The following MON1B variants were observed in gnomAD, a reference collection of about 807,000 sequenced individuals.
The protein encoded by MON1B is vacuolar fusion protein MON1 homolog B.
MON1B carries 26 observed loss-of-function variants against 45.1 expected under a neutral mutation model. That is an observed-to-expected ratio of 0.58 (90% CI 0.42 to 0.80). The LOEUF (loss-of-function observed/expected upper bound fraction) is 0.80. Ranked by LOEUF, MON1B falls within the 30% of genes least tolerant of loss-of-function variation. The probability of loss-of-function intolerance (pLI) is 0.00; values close to 1 mark genes in which losing one functional copy is unlikely to be tolerated. For synonymous variants in MON1B, 395 were observed against 320.2 expected, an observed-to-expected ratio of 1.23 and a Z score of -2.49; for missense variants, 737 against 754.5, an observed-to-expected ratio of 0.98 and a Z score of 0.27.
intron 5 of MON1B, among the ~76,000 whole-genome samples, chr16:77,196,043 C>T (rs1017761846): frequency 6.6e-6 from 1 of 152,170 alleles, no homozygotes; most frequent in African/African-American, 2.4e-5. Flanking sequence ...CTCATTGTGA[C>T]TCCATGAGTC....
At chr16:77,197,401 C>G (rs1023154073) in intron 5 of MON1B, among the ~76,000 whole-genome samples, 26 of 152,086 alleles carry the variant, frequency 1.7e-4, no homozygotes, top group African/African-American at 6.0e-4. Flanking sequence ...ACGTCAAAAA[C>G]AAAAAAACAA....
chr16:77,195,253 T>C (rs75532399), intron 4 of MON1B, 99 bp downstream of exon 4: 36,618 of 1,235,532 alleles, frequency 0.03, 657 homozygotes, highest in Middle Eastern at 0.038. Context: ...TAACCAGCCA[T>C]GCTTAAGAAA....
Position 77,201,782 on chromosome 16 carries a change from TG to T in MON1B, c.*3475del, listed in dbSNP as rs1239123706. The T allele has an allele frequency of 6.6e-6, 1 of 151,952 alleles. No individual in the cohort carries two copies. The highest frequency in any genetic ancestry group is 1.5e-5 in the Non-Finnish European group (1 of 67,954). The allele number at this position is 151,952 out of a possible 1,614,324, so 9.4% of individuals were successfully genotyped here. A position where few individuals can be genotyped will look rare whatever the true frequency, so the allele number is the denominator to read the frequency against. On this transcript the variant is annotated 3_prime_UTR_variant, in exon 6 of 6. Transcript: ENST00000248248. Reference sequence around the variant, plus strand: ...AGGCAGAAAAAAATTCTAATTTAAATGTATTAAATTATAAGTTCTAATTTAA... The same window carrying T: ...AGGCAGAAAAAAATTCTAATTTAAATTATTAAATTATAAGTTCTAATTTAA...
At position 77,198,354 on chromosome 16, in the gene MON1B, GT is replaced by G; in HGVS notation, c.*52del. 2.6e-6 allele frequency: 4 copies of G among 1,566,222 alleles called. No individual in the cohort carries two copies. Among genetic ancestry groups the G allele is most frequent in the Non-Finnish European group, 3.5e-6 (4 of 1,136,882 alleles). On this transcript the variant is annotated 3_prime_UTR_variant, in exon 6 of 6. Transcript: ENST00000248248. ...GGCAGTGCTGGGAGCAACCACCTTT[GT>G]TTTTTACCTTCTGTCTACCCTGGAA...
rs199929360 is a variant in MON1B, at chr16:77,195,080, G to C, written c.1221G>C (p.Ala407=). Residue 407 remains alanine, a synonymous_variant, in exon 4 of 6, where the codon GCG becomes GCC. Transcript: ENST00000248248. ...CCTACAGCGTGCAGGCTGTCGGGGC[G>C]CCGGGCCTCCGGCACTTCCTGTATA... ...APAYSVQAVG[A]PGLRHFLYKP... is the part of the protein sequence containing the mutation. 7.5e-6 allele frequency: 12 copies of C among 1,604,946 alleles called. No homozygotes were observed. The highest frequency in any genetic ancestry group is 1.0e-5 in the Non-Finnish European group (12 of 1,179,724).
rs372101794 is a variant in MON1B at position 77,193,681 on chromosome 16, G to A, written c.379G>A (p.Gly127Ser). The A allele has an allele frequency of 3.7e-6, 6 of 1,614,094 alleles. No individual in the cohort carries two copies. The highest frequency in any genetic ancestry group is 4.2e-6 in the Non-Finnish European group (5 of 1,179,980). The change falls in exon 3 of 6, where the codon GGT (glycine) becomes AGT (serine). Residue 127 changes from glycine to serine, a missense_variant. By Grantham distance (56) the Gly-to-Ser change is moderately conservative (BLOSUM62 0). Coordinates refer to ENST00000248248, the MANE Select transcript of MON1B (RefSeq NM_014940.4). This position sits in a 1 kb window ranked among gnomAD's most constrained non-coding sequence, Gnocchi z 5.0. ...EAGKPIYSRY[G>S]SVEALSATMG... ...TGGCAAGCCCATCTACTCGCGGTATGGTAGTGTGGAGGCGCTGTCGGCTAC... is the reference window on the plus strand; with the variant it reads ...TGGCAAGCCCATCTACTCGCGGTATAGTAGTGTGGAGGCGCTGTCGGCTAC...
In MON1B at chr16:77,202,293, C is replaced by T. The variant is rs1314298327; in HGVS notation, c.*3985C>T. On this transcript the variant is annotated 3_prime_UTR_variant, in exon 6 of 6. Transcript: ENST00000248248. The stretch of plus-strand genomic sequence containing the variant: ...CTGCAACTTATTGTTCAGAATCACT[C>T]ACAAATGGGAAATCTGATATAAGGA... The T allele has an allele frequency of 6.6e-6, 1 of 152,128 alleles. No individual in the cohort carries two copies. Among genetic ancestry groups the T allele is most frequent in the Non-Finnish European group, 1.5e-5 (1 of 68,028 alleles). 9.4% of individuals were successfully genotyped at this position (152,128 alleles called of 1,614,324 possible). A position where few individuals can be genotyped will look rare whatever the true frequency, so the allele number is the denominator to read the frequency against.
Position 77,198,173 on chromosome 16 carries a change from G to C in MON1B, c.1509G>C (p.Leu503Phe). 2 of 1,614,100 alleles carry C rather than the reference G, an allele frequency of 1.2e-6. No individual in the cohort carries two copies. The highest frequency in any genetic ancestry group is 1.7e-6 in the Non-Finnish European group (2 of 1,180,022). ...TGGTGACCAAGGCAGGTGCAATCTT[G>C]GTAGTGACCAAACTCCTGCGCTGGG... The part of the protein sequence containing the change: ...SPLVTKAGAI[L>F]VVTKLLRWVK... Residue 503 changes from leucine to phenylalanine, a missense_variant, in exon 6 of 6, where the codon TTG becomes TTC. Transcript: ENST00000248248.
At chr16:77,195,945 C>T (rs893431481) in intron 5 of MON1B, among the ~76,000 whole-genome samples, 10 of 152,212 alleles carry the variant, frequency 6.6e-5, no homozygotes, top group African/African-American at 2.4e-4. Context: ...CTTTGACTTT[C>T]CAGAGGCCCC....
Position 77,193,544 on chromosome 16 carries a change from C to T in MON1B, c.242C>T (p.Pro81Leu), listed in dbSNP as rs376216086. ...TCTCGGCTCTGGAGTCCTGCAGCCCCTGAGAATAGTCCCACATGTAGCCCT... is the reference window on the plus strand; with the variant it reads ...TCTCGGCTCTGGAGTCCTGCAGCCCTTGAGAATAGTCCCACATGTAGCCCT... ...STSRLWSPAA[P>L]ENSPTCSPES... The change falls in exon 3 of 6, where the codon CCT becomes CTT. Residue 81 changes from proline to leucine, a missense_variant. Transcript: ENST00000248248. This position sits in a 1 kb window ranked among gnomAD's most constrained non-coding sequence, Gnocchi z 5.0. 14 of 1,613,800 alleles carry T rather than the reference C, an allele frequency of 8.7e-6. No individual in the cohort carries two copies. Among genetic ancestry groups the T allele is most frequent in the Non-Finnish European group, 1.2e-5 (14 of 1,179,868 alleles).
rs2054703549 is a variant in MON1B, at chr16:77,199,386, C to G, written c.*1078C>G. ...CGCATGCGTGCTGAAAAGCCTTTCA[C>G]CCTCACGTGGTTTCTTTTTTAACCA... On this transcript the variant is annotated 3_prime_UTR_variant, in exon 6 of 6. Coordinates refer to ENST00000248248, the MANE Select transcript of MON1B (RefSeq NM_014940.4). The G allele has an allele frequency of 3.4e-6, 5 of 1,491,686 alleles. No individual in the cohort carries two copies. In the South Asian group the frequency reaches 4.9e-5, roughly 15 times the overall value. The allele number at this position is 1,491,686 out of a possible 1,614,324, so 92.4% of individuals were successfully genotyped here. A position where few individuals can be genotyped will look rare whatever the true frequency, so the allele number is the denominator to read the frequency against.
intron 5 of MON1B, 141 bp downstream of exon 5, chr16:77,195,823 T>C (rs2054660077): frequency 1.0e-6 from 1 of 987,504 alleles, no homozygotes; most frequent in Admixed American, 2.6e-5. Flanking sequence ...ACACTGTCCC[T>C]GCCTTTACAC....
In MON1B at chr16:77,199,393, G is replaced by C. The variant is rs1437368517; in HGVS notation, c.*1085G>C. The C allele has an allele frequency of 2.6e-6, 4 of 1,519,138 alleles. No individual in the cohort carries two copies. The highest frequency in any genetic ancestry group is 3.6e-6 in the Non-Finnish European group (4 of 1,119,704). 94.1% of individuals were successfully genotyped at this position (1,519,138 alleles called of 1,614,324 possible). A position where few individuals can be genotyped will look rare whatever the true frequency, so the allele number is the denominator to read the frequency against. Reference sequence around the variant, plus strand: ...GTGCTGAAAAGCCTTTCACCCTCACGTGGTTTCTTTTTTAACCAGTCATCA... The same window carrying C: ...GTGCTGAAAAGCCTTTCACCCTCACCTGGTTTCTTTTTTAACCAGTCATCA... On this transcript the variant is annotated 3_prime_UTR_variant, in exon 6 of 6. Coordinates refer to ENST00000248248, the MANE Select transcript of MON1B (RefSeq NM_014940.4).
At chr16:77,195,397 A>C in intron 4 of MON1B, 138 bp from the exon 5 acceptor site, 1 of 1,211,074 alleles carries the variant, frequency 8.3e-7, no homozygotes, top group East Asian at 2.6e-5. Context: ...GTCAGCCTCC[A>C]ACCCCTGAGA....
chr16:77,191,684 T>A (rs1422680305), intron 2 of MON1B, 51 bp downstream of exon 2: 7 of 1,566,004 alleles, frequency 4.5e-6, no homozygotes, highest in Non-Finnish European at 6.1e-6. Flanking sequence ...GGGTTGTCAT[T>A]GTTGGACGGG....
In MON1B at chr16:77,201,069, T is replaced by C. The variant is rs1412137158; in HGVS notation, c.*2761T>C. 6.6e-6 allele frequency: 1 copy of C among 152,226 alleles called. No individual in the cohort carries two copies. The highest frequency in any genetic ancestry group is 1.5e-5 in the Non-Finnish European group (1 of 68,042). The allele number at this position is 152,226 out of a possible 1,614,324, so 9.4% of individuals were successfully genotyped here. ...TTATTGCTTATTGCCTGACCTAGGA[T>C]GTGAGCTCCATGAGAACAGAGACTG... On this transcript the variant is annotated 3_prime_UTR_variant, in exon 6 of 6. Transcript: ENST00000248248.
At position 77,198,554 on chromosome 16, in the gene MON1B, C is replaced by T. The variant is rs71394302; in HGVS notation, c.*246C>T. ...ATCCTTAGGCCTCCCTCTCCCTTCCCTCTGTCTCATCTCCTCCACTTGGAT... is the reference window on the plus strand; with the variant it reads ...ATCCTTAGGCCTCCCTCTCCCTTCCTTCTGTCTCATCTCCTCCACTTGGAT... On this transcript the variant is annotated 3_prime_UTR_variant, in exon 6 of 6. Transcript: ENST00000248248. 2 of 545,468 alleles carry T rather than the reference C, an allele frequency of 3.7e-6. No homozygotes were observed. The highest frequency in any genetic ancestry group is 3.3e-6 in the Non-Finnish European group (1 of 302,508). The allele number at this position is 545,468 out of a possible 1,614,324, so 33.8% of individuals were successfully genotyped here.
chr16:77,194,764 C>G lies in MON1B; in HGVS notation c.905C>G (p.Ala302Gly). 1 of 1,613,884 alleles carries G rather than the reference C, an allele frequency of 6.2e-7. No individual in the cohort carries two copies. The highest frequency in any genetic ancestry group is 8.5e-7 in the Non-Finnish European group (1 of 1,179,938). ...NVLAECRLDP[A>G]DLQLLLDWVG... is the part of the protein sequence containing the mutation. Reference sequence around the variant, plus strand: ...CTGGCCGAGTGCCGGCTGGACCCAGCTGACCTGCAGTTGCTGCTCGACTGG... The same window carrying G: ...CTGGCCGAGTGCCGGCTGGACCCAGGTGACCTGCAGTTGCTGCTCGACTGG... The change falls in exon 4 of 6, where the codon GCT becomes GGT. Residue 302 changes from alanine to glycine, a missense_variant. By Grantham distance (60) the Ala-to-Gly change is moderately conservative. Coordinates refer to ENST00000248248, the MANE Select transcript of MON1B (RefSeq NM_014940.4). The surrounding 1 kb of genome is among the most constrained non-coding windows in gnomAD (Gnocchi z 8.1).
rs968867869 is a variant in MON1B, at chr16:77,194,981, G to T, written c.1122G>T (p.Met374Ile). The change falls in exon 4 of 6, where the codon ATG becomes ATT. Residue 374 changes from methionine (M) to isoleucine (I), a missense_variant. By Grantham distance (10) the Met-to-Ile change is conservative. Coordinates refer to ENST00000248248, the MANE Select transcript of MON1B (RefSeq NM_014940.4). This position sits in a 1 kb window ranked among gnomAD's most constrained non-coding sequence, Gnocchi z 8.1. ...AACRRLVEDG[M>I]HALGAMRALG... ...GCCGGCGCCTGGTTGAAGATGGGATGCATGCCCTTGGTGCCATGCGTGCCC... is the reference window on the plus strand; with the variant it reads ...GCCGGCGCCTGGTTGAAGATGGGATTCATGCCCTTGGTGCCATGCGTGCCC... The T allele has an allele frequency of 8.1e-6, 13 of 1,613,874 alleles. No homozygotes were observed. The highest frequency in any genetic ancestry group is 1.0e-5 in the Non-Finnish European group (12 of 1,180,014).
Sources: gnomAD v4.1 joint callset for allele counts (sites outside exome capture counted in the v4.1 genomes callset) on GRCh38, gnomAD v4.1.1 for gene constraint, Gnocchi (gnomAD v3.1) non-coding constraint, MANE v1.5 for transcripts, NCBI Gene and HGNC (gene_info 2026-07-23, HGNC 2026-07-21) for gene names.